The following NRG3 variants were observed in gnomAD, a reference collection of about 807,000 sequenced individuals.
NRG3 encodes neuregulin 3.
NRG3 carries 31 observed loss-of-function variants against 66.9 expected under a neutral mutation model. That is an observed-to-expected ratio of 0.46 (90% CI 0.35 to 0.63). NRG3 has a LOEUF of 0.63. NRG3 is among the 20% of genes least tolerant of loss of function. The probability of loss-of-function intolerance (pLI) is 0.00; values close to 1 mark genes in which losing one functional copy is unlikely to be tolerated. For synonymous variants in NRG3, 393 were observed against 359.4 expected, an observed-to-expected ratio of 1.09 and a Z score of -1.06; for missense variants, 910 against 878.9, an observed-to-expected ratio of 1.04 and a Z score of -0.45.
At chr10:82,081,874 G>T (rs2065417545) in intron 1 of NRG3, among the ~76,000 whole-genome samples, 1 of 152,146 alleles carries the variant, frequency 6.6e-6, no homozygotes, top group Non-Finnish European at 1.5e-5. Context: ...ACTGCAACAA[G>T]CCAGGTGCTG....
At chr10:82,817,667 T>C (rs576035915) in intron 3 of NRG3, among the ~76,000 whole-genome samples, 2 of 152,328 alleles carry the variant, frequency 1.3e-5, no homozygotes, top group African/African-American at 4.8e-5. Flanking sequence ...AAAGAGCTAC[T>C]CTTGGTAAGG....
intron 4 of NRG3, among the ~76,000 whole-genome samples, chr10:82,917,139 T>C (rs954577331): frequency 6.6e-6 from 1 of 152,140 alleles, no homozygotes; most frequent in African/African-American, 2.4e-5. Flanking sequence ...CAGTAAGGAA[T>C]TTGATAAGGG....
chr10:82,735,743 C>A (rs1017296723), intron 2 of NRG3, among the ~76,000 whole-genome samples: 1 of 151,554 alleles, frequency 6.6e-6, no homozygotes, highest in Non-Finnish European at 1.5e-5. Context: ...CATCACACAC[C>A]GGGGCCTGTC....
chr10:82,570,800 T>A (rs1341094837), intron 2 of NRG3, among the ~76,000 whole-genome samples: 1 of 151,676 alleles, frequency 6.6e-6, no homozygotes, highest in East Asian at 1.9e-4. Flanking sequence ...GGAGGACTCA[T>A]ATGTAAAATT....
At chr10:82,916,807 A>G (rs1011287616) in intron 4 of NRG3, among the ~76,000 whole-genome samples, 1 of 151,974 alleles carries the variant, frequency 6.6e-6, no homozygotes, top group Non-Finnish European at 1.5e-5. Context: ...GTAGAGATGG[A>G]GTTTCACCAT....
chr10:82,605,673 G>A (rs928125243), intron 2 of NRG3, among the ~76,000 whole-genome samples: 3 of 151,930 alleles, frequency 2.0e-5, no homozygotes, highest in Admixed American at 2.0e-4. Context: ...TCTTAAACTA[G>A]TATTTCTTTA....
intron 1 of NRG3, among the ~76,000 whole-genome samples, chr10:82,281,310 A>G (rs2079110251): frequency 6.6e-6 from 1 of 152,164 alleles, no homozygotes; most frequent in Non-Finnish European, 1.5e-5. Flanking sequence ...TGAATGGCAT[A>G]CAGAAGGAAA....
intron 2 of NRG3, among the ~76,000 whole-genome samples, chr10:82,715,174 C>T (rs374843719): frequency 3.3e-5 from 5 of 152,024 alleles, no homozygotes; most frequent in African/African-American, 9.7e-5. Flanking sequence ...GTAGGTGGAT[C>T]GCTTGAGGCC....
chr10:82,431,455 A>G (rs553706966), intron 2 of NRG3, among the ~76,000 whole-genome samples: 1 of 152,310 alleles, frequency 6.6e-6, no homozygotes, highest in South Asian at 2.1e-4. Flanking sequence ...AGATGTATTC[A>G]CTTATTTTGA....
Position 82,310,914 on chromosome 10 carries a change from A to G in NRG3, c.824-47825A>G, listed in dbSNP as rs1377745849. On this transcript the variant is annotated intron_variant, in intron 1 of 8. Transcript: ENST00000372141. ...AAGTATGAGCACTGGAAATTAGCCA[A>G]TGTAGCCAAACTTGGGGAAATTTAT... 4.6e-5 allele frequency among the ~76,000 whole-genome samples: 7 copies of G among 152,342 alleles called. No individual in the cohort carries two copies. In the South Asian group the frequency reaches 6.2e-4, roughly 14 times the overall value.
At chr10:82,583,615 A>G (rs2046492222) in intron 2 of NRG3, among the ~76,000 whole-genome samples, 1 of 152,220 alleles carries the variant, frequency 6.6e-6, no homozygotes, top group Non-Finnish European at 1.5e-5. Flanking sequence ...TTTACAAGAA[A>G]TGAAATGTGT....
chr10:82,398,168 A>T (rs1481059198), intron 2 of NRG3, among the ~76,000 whole-genome samples: 2 of 152,014 alleles, frequency 1.3e-5, no homozygotes, highest in African/African-American at 4.8e-5. Context: ...TAACAGAATC[A>T]AGGGAAGTGG....
At chr10:82,287,077 G>A (rs2079457316) in intron 1 of NRG3, among the ~76,000 whole-genome samples, 1 of 152,136 alleles carries the variant, frequency 6.6e-6, no homozygotes. Context: ...AGAGGAAGGA[G>A]GATAATAGCT....
intron 2 of NRG3, among the ~76,000 whole-genome samples, chr10:82,591,117 A>G (rs1159441441): frequency 6.6e-6 from 1 of 152,194 alleles, no homozygotes; most frequent in African/African-American, 2.4e-5. Context: ...CTAGTGGGAA[A>G]GGGTTTCTCA....
intron 1 of NRG3, among the ~76,000 whole-genome samples, chr10:82,069,658 G>C (rs865813690): frequency 6.6e-6 from 1 of 152,074 alleles, no homozygotes; most frequent in Non-Finnish European, 1.5e-5. Context: ...ATTTTTGAAG[G>C]TGTTCATACA....
In NRG3 at chr10:82,961,153, C is replaced by T. The variant is rs1219032705; in HGVS notation, c.1284+2078C>T. 2.6e-5 allele frequency among the ~76,000 whole-genome samples: 4 copies of T among 152,244 alleles called. 1 individual carries two copies. The highest frequency in any genetic ancestry group is 2.0e-4 in the Admixed American group (3 of 15,292). ...TTAAAAGAAAATTAAGAAAACACTT[C>T]CATTTGCTAGAGAACTTAATGTAAG... On this transcript the variant is annotated intron_variant, in intron 6 of 8. Transcript: ENST00000372141.
intron 1 of NRG3, among the ~76,000 whole-genome samples, chr10:82,062,860 C>G (rs1003024998): frequency 1.6e-4 from 25 of 152,134 alleles, no homozygotes; most frequent in Non-Finnish European, 3.7e-4. Flanking sequence ...GCTGTGTATT[C>G]AGAGCATACC....
chr10:82,669,068 C>G (rs539790969), intron 2 of NRG3, among the ~76,000 whole-genome samples: 2 of 152,178 alleles, frequency 1.3e-5, no homozygotes, highest in East Asian at 3.9e-4. Context: ...CACCTATAAT[C>G]ACCATGATGA....
rs556769267 is a variant in NRG3 at position 82,793,945 on chromosome 10, C to G, written c.1027+55295C>G. The stretch of plus-strand genomic sequence containing the variant: ...AGTATAATATGGTCTACCAAATTCT[C>G]TTTCACTTATTTTTTTTACCTGTAA... On this transcript the variant is annotated intron_variant, in intron 3 of 8. Transcript: ENST00000372141. Among the ~76,000 whole-genome samples, 17 of 152,246 alleles carry G rather than the reference C, an allele frequency of 1.1e-4. No individual in the cohort carries two copies. In the South Asian group the frequency reaches 3.3e-3, roughly 30 times the overall value.
Sources: gnomAD v4.1 joint callset for allele counts (sites outside exome capture counted in the v4.1 genomes callset) on GRCh38, gnomAD v4.1.1 for gene constraint, MANE v1.5 for transcripts, NCBI Gene and HGNC (gene_info 2026-07-23, HGNC 2026-07-21) for gene names.